Variants in SLC7A6OS observed in about 807,000 individuals in gnomAD.
SLC7A6OS encodes probable RNA polymerase II nuclear localization protein SLC7A6OS.
Under a neutral mutation model 34.3 loss-of-function variants are expected in SLC7A6OS, and 22 were observed. The ratio of observed to expected loss-of-function variants is 0.64; its 90% confidence interval spans 0.46 to 0.92. The LOEUF (loss-of-function observed/expected upper bound fraction) is 0.92. Ranked by LOEUF, SLC7A6OS falls within the 40% of genes least tolerant of loss-of-function variation. SLC7A6OS has a pLI of 0.00. For missense variants in SLC7A6OS, 434 were observed against 407.7 expected, an observed-to-expected ratio of 1.06 and a Z score of -0.56; for synonymous variants, 199 against 165.0, an observed-to-expected ratio of 1.21 and a Z score of -1.58.
In SLC7A6OS at chr16:68,310,799, G is replaced by A; in HGVS notation, c.128C>T (p.Ser43Leu). The change falls in exon 1 of 5, where the codon TCG (serine) becomes TTG (leucine). Residue 43 changes from serine (S) to leucine (L), a missense_variant. Coordinates refer to ENST00000263997, the MANE Select transcript of SLC7A6OS (RefSeq NM_032178.3). ...DAVESAAQKT[S>L]EGLERAAENN... ...CTCCGCCGCTCTCTCCAAACCCTCCGACGTCTTCTGTGCCGCTGACTCGAC... is the reference window on the plus strand; with the variant it reads ...CTCCGCCGCTCTCTCCAAACCCTCCAACGTCTTCTGTGCCGCTGACTCGAC... 3.1e-6 allele frequency: 5 copies of A among 1,613,812 alleles called. No homozygotes were observed. The highest frequency in any genetic ancestry group is 1.1e-5 in the South Asian group (1 of 91,084).
Position 68,301,053 on chromosome 16 carries a change from T to C in SLC7A6OS, c.*222A>G. 1.6e-6 allele frequency: 2 copies of C among 1,215,218 alleles called. No individual in the cohort carries two copies. Among genetic ancestry groups the C allele is most frequent in the South Asian group, 7.7e-5 (2 of 25,880 alleles). The allele number at this position is 1,215,218 out of a possible 1,614,324, so 75.3% of individuals were successfully genotyped here. Reference sequence around the variant, plus strand: ...TTTTTTTTTCTTTCAAACTGTAGGGTCACTTTTGATTGAGGCAAAGGGGTC... The same window carrying C: ...TTTTTTTTTCTTTCAAACTGTAGGGCCACTTTTGATTGAGGCAAAGGGGTC... On this transcript the variant is annotated 3_prime_UTR_variant, in exon 5 of 5. Transcript: ENST00000263997.
chr16:68,301,311 G>A lies in SLC7A6OS; in HGVS notation c.894C>T (p.Phe298=), dbSNP rs199896252. ...CCAGGTCGTGGGGGCTGTCATAGCC[G>A]AACTCCTTCTGCACATCCAGAGGGT... The part of the protein sequence containing the change: ...SKYPLDVQKE[F]GYDSPHDLDS... Residue 298 remains phenylalanine (F), a synonymous_variant, in exon 5 of 5, where the codon TTC becomes TTT. Transcript: ENST00000263997. The A allele has an allele frequency of 3.6e-5, 58 of 1,613,938 alleles. No homozygotes were observed. The highest frequency in any genetic ancestry group is 2.1e-4 in the South Asian group (19 of 91,072).
chr16:68,302,098 T>G, intron 4 of SLC7A6OS: 1 of 400,598 alleles, frequency 2.5e-6, no homozygotes, highest in East Asian at 4.7e-5. Flanking sequence ...AACCATCTCA[T>G]TTGGAGAGAA....
At chr16:68,305,652 A>C (rs1055221464) in intron 2 of SLC7A6OS, among the ~76,000 whole-genome samples, 4 of 152,224 alleles carry the variant, frequency 2.6e-5, no homozygotes, top group African/African-American at 9.6e-5. Context: ...AGTCAAAAAG[A>C]AGCTAGAGAT....
chr16:68,304,168 G>T lies in SLC7A6OS; in HGVS notation c.536C>A (p.Ser179Tyr). The T allele has an allele frequency of 1.2e-6, 2 of 1,614,172 alleles. No individual in the cohort carries two copies. The highest frequency in any genetic ancestry group is 1.7e-6 in the Non-Finnish European group (2 of 1,180,024). The change falls in exon 3 of 5, where the codon TCT becomes TAT. Residue 179 changes from serine to tyrosine, a missense_variant. Transcript: ENST00000263997. ...VELIRERLTV[S>Y]EDGPGVRRQE... Reference sequence around the variant, plus strand: ...GCGCCTGACTCCTGGTCCATCCTCAGACACAGTCAATCGCTCACGGATCAA... The same window carrying T: ...GCGCCTGACTCCTGGTCCATCCTCATACACAGTCAATCGCTCACGGATCAA...
Position 68,300,653 on chromosome 16 carries a change from C to T in SLC7A6OS, c.*622G>A, listed in dbSNP as rs879460864. On this transcript the variant is annotated 3_prime_UTR_variant, in exon 5 of 5. Coordinates refer to ENST00000263997, the MANE Select transcript of SLC7A6OS (RefSeq NM_032178.3). ...GCTAGATTTTACTAAACACATGTAT[C>T]ACATTCATATATATTGTTTCTTGGC... The T allele has an allele frequency of 9.1e-6, 9 of 985,442 alleles. No homozygotes were observed. Among genetic ancestry groups the T allele is most frequent in the Non-Finnish European group, 1.1e-5 (9 of 829,936 alleles). The allele number at this position is 985,442 out of a possible 1,614,324, so 61.0% of individuals were successfully genotyped here. A position where few individuals can be genotyped will look rare whatever the true frequency, so the allele number is the denominator to read the frequency against.
At chr16:68,302,567 G>GTT in intron 3 of SLC7A6OS, 66 bp from the exon 4 acceptor site, 1 of 1,599,984 alleles carries the variant, frequency 6.3e-7, no homozygotes, top group South Asian at 1.1e-5. Flanking sequence ...GGGGGAAGTT[G>GTT]TTAGCATACC....
chr16:68,307,358 A>T (rs1008511570), intron 2 of SLC7A6OS, among the ~76,000 whole-genome samples: 1 of 152,350 alleles, frequency 6.6e-6, no homozygotes, highest in South Asian at 2.1e-4. Flanking sequence ...TCTCCCTAGG[A>T]TAAATCTTGG....
rs2043471895 is a variant in SLC7A6OS at position 68,310,560 on chromosome 16, G to A, written c.246C>T (p.Ser82=). Residue 82 remains serine (S), a synonymous_variant, in exon 2 of 5, where the codon AGC becomes AGT. Coordinates refer to ENST00000263997, the MANE Select transcript of SLC7A6OS (RefSeq NM_032178.3). ...GGAGATTACGGCGGACACGCTGCTG[G>A]CTGTCCCGTGACGGGCGCAGAACTT... is the stretch of plus-strand genomic sequence containing the variant. ...LREVLRPSRD[S]QQRVRRNLRA... is the part of the protein sequence containing the mutation. 2 of 1,582,776 alleles carry A rather than the reference G, an allele frequency of 1.3e-6. No individual in the cohort carries two copies. Among genetic ancestry groups the A allele is most frequent in the African/African-American group, 2.7e-5 (2 of 74,210 alleles).
rs1457651928 is a variant in SLC7A6OS, at chr16:68,302,466, G to A, written c.714C>T (p.Asp238=). Residue 238 remains aspartate, a synonymous_variant, in exon 4 of 5, where the codon GAC becomes GAT. Coordinates refer to ENST00000263997, the MANE Select transcript of SLC7A6OS (RefSeq NM_032178.3). ...NDDQEPEDIY[D]DEDDENSENN... ...TCTCACTGTTCTCGTCATCTTCATC[G>A]TCGTAAATGTCCTCTGGTTCTTGAT... 16 of 1,614,020 alleles carry A rather than the reference G, an allele frequency of 9.9e-6. No homozygotes were observed. Among genetic ancestry groups the A allele is most frequent in the African/African-American group, 2.7e-5 (2 of 75,020 alleles).
rs2043465904 is a variant in SLC7A6OS, at chr16:68,310,505, C to T, written c.301G>A (p.Gly101Ser). The change falls in exon 2 of 5, where the codon GGC (glycine) becomes AGC (serine). Residue 101 changes from glycine to serine, a missense_variant. Transcript: ENST00000263997. ...RASAREVRQE[G>S]RYRVLSSRRS... ...CGGCTGGAAAGCACCCGGTAGCGGC[C>T]CTCCTGCCGGACCTCCCGAGCCGAG... is the stretch of plus-strand genomic sequence containing the variant. 6.3e-7 allele frequency: 1 copy of T among 1,584,308 alleles called. No homozygotes were observed. Among genetic ancestry groups the T allele is most frequent in the South Asian group, 1.1e-5 (1 of 88,236 alleles).
At chr16:68,301,560 A>T (rs1472073110) in intron 4 of SLC7A6OS, 155 bp from the exon 5 acceptor site, 190 of 524,478 alleles carry the variant, frequency 3.6e-4, no homozygotes, top group East Asian at 5.8e-4. Context: ...TTTTTTTTTT[A>T]AAGAAGGAAT....
chr16:68,303,741 T>C (rs1178109605), intron 3 of SLC7A6OS: 2 of 378,964 alleles, frequency 5.3e-6, no homozygotes, highest in African/African-American at 4.1e-5. Context: ...CCCATATACA[T>C]ATTTCCCCCC....
Position 68,301,280 on chromosome 16 carries a change from C to T in SLC7A6OS, c.925G>A (p.Asp309Asn). 6.2e-7 allele frequency: 1 copy of T among 1,614,050 alleles called. No homozygotes were observed. Among genetic ancestry groups the T allele is most frequent in the Non-Finnish European group, 8.5e-7 (1 of 1,179,938 alleles). ...TCATGGACATCACAAGACCATCAGT[C>T]TGAATCCAGGTCGTGGGGGCTGTCA... ...GYDSPHDLDS[D>N] is the part of the protein sequence containing the mutation. Residue 309 changes from aspartate (D) to asparagine (N), a missense_variant, in exon 5 of 5, where the codon GAC becomes AAC. Coordinates refer to ENST00000263997, the MANE Select transcript of SLC7A6OS (RefSeq NM_032178.3).
rs1228255930 is a variant in SLC7A6OS, at chr16:68,299,622, T to C, written c.*1653A>G. ...TATTAAGTTGTCAGCCCTTTAATAT[T>C]GGGGAAACTTAATGAGTATAAATAG... On this transcript the variant is annotated 3_prime_UTR_variant, in exon 5 of 5. Transcript: ENST00000263997. The C allele has an allele frequency of 6.6e-6, 1 of 152,210 alleles. No homozygotes were observed. Among genetic ancestry groups the C allele is most frequent in the Non-Finnish European group, 1.5e-5 (1 of 68,038 alleles). The allele number at this position is 152,210 out of a possible 1,614,324, so 9.4% of individuals were successfully genotyped here.
At position 68,310,719 on chromosome 16, in the gene SLC7A6OS, G is replaced by A; in HGVS notation, c.192+16C>T. ...CCCGAAGATGCCCTCCACACCAGCTGCACCACGCCCAATACCTGGGAGCAC... is the reference window on the plus strand; with the variant it reads ...CCCGAAGATGCCCTCCACACCAGCTACACCACGCCCAATACCTGGGAGCAC... On this transcript the variant is annotated intron_variant, in intron 1 of 4. Transcript: ENST00000263997. 2 of 1,595,626 alleles carry A rather than the reference G, an allele frequency of 1.3e-6. No homozygotes were observed. The highest frequency in any genetic ancestry group is 2.2e-5 in the South Asian group (2 of 89,190).
chr16:68,303,655 T>C (rs1177406237), intron 3 of SLC7A6OS: 2 of 184,080 alleles, frequency 1.1e-5, no homozygotes, highest in East Asian at 3.1e-4. Context: ...ACTTCTAAGG[T>C]ACGAATTAAA....
At chr16:68,302,252 C>T in intron 4 of SLC7A6OS, 129 bp downstream of exon 4, 1 of 1,077,352 alleles carries the variant, frequency 9.3e-7, no homozygotes, top group Admixed American at 2.0e-5. Context: ...TACAGCATGG[C>T]TCAGTTGCGG....
rs556504705 is a variant in SLC7A6OS at position 68,300,938 on chromosome 16, C to A, written c.*337G>T. The A allele has an allele frequency of 1.9e-4, 195 of 1,008,026 alleles. No homozygotes were observed. Among genetic ancestry groups the A allele is most frequent in the Middle Eastern group, 4.9e-4 (1 of 2,024 alleles). 62.4% of individuals were successfully genotyped at this position (1,008,026 alleles called of 1,614,324 possible). The stretch of plus-strand genomic sequence containing the variant: ...CTGCTAATGAAATGGGAACCTCCCC[C>A]TCCCTTGTGGTTTCAGCACAGAACC... On this transcript the variant is annotated 3_prime_UTR_variant, in exon 5 of 5. Coordinates refer to ENST00000263997, the MANE Select transcript of SLC7A6OS (RefSeq NM_032178.3).
Sources: gnomAD v4.1 joint callset for allele counts (sites outside exome capture counted in the v4.1 genomes callset) on GRCh38, gnomAD v4.1.1 for gene constraint, MANE v1.5 for transcripts, NCBI Gene and HGNC (gene_info 2026-07-23, HGNC 2026-07-21) for gene names.